The following NHSL1 variants were observed in gnomAD, a reference collection of about 807,000 sequenced individuals.
NHSL1 encodes NHS-like protein 1.
A neutral mutation model predicts 95.0 loss-of-function variants in NHSL1; 48 were observed. The observed-to-expected ratio is 0.51, with a 90% CI of 0.40 to 0.64. The LOEUF (loss-of-function observed/expected upper bound fraction) is 0.64, where lower values mean the gene tolerates loss of function less well. NHSL1 is among the 30% of genes least tolerant of loss of function. The pLI, the probability that NHSL1 is intolerant of heterozygous loss-of-function variation, is 0.00. For synonymous variants in NHSL1, 783 were observed against 833.9 expected, an observed-to-expected ratio of 0.94 and a Z score of 1.05; for missense variants, 1,971 against 2,077.7, an observed-to-expected ratio of 0.95 and a Z score of 1.00.
Position 138,458,483 on chromosome 6 carries a change from G to A in NHSL1, c.340-11290C>T, listed in dbSNP as rs975511596. On this transcript the variant is annotated intron_variant, in intron 3 of 7. Transcript: ENST00000343505. ...AAGGTAGGTGGATCACTTGAGGTCC[G>A]GGGGTTCGAGACCAGCCTGGCCAAA... Among the ~76,000 whole-genome samples, 5 of 151,924 alleles carry A rather than the reference G, an allele frequency of 3.3e-5. No homozygotes were observed. The East Asian group carries it at 5.8e-4, about 18-fold the overall frequency.
At chr6:138,508,282 A>C (rs1781060581) in intron 1 of NHSL1, among the ~76,000 whole-genome samples, 1 of 152,216 alleles carries the variant, frequency 6.6e-6, no homozygotes, top group South Asian at 2.1e-4. Context: ...AAGTCGCTCT[A>C]GTGCATGGCT....
At chr6:138,613,010 A>G (rs1784534334) in intron 1 of NHSL1, among the ~76,000 whole-genome samples, 1 of 152,160 alleles carries the variant, frequency 6.6e-6, no homozygotes, top group Admixed American at 6.5e-5. Context: ...TTGAGAGCTA[A>G]TGGAAGTAGA....
intron 4 of NHSL1, 29 bp from the exon 5 acceptor site, chr6:138,442,143 C>G (rs552316127): frequency 1.3e-6 from 2 of 1,514,208 alleles, no homozygotes; most frequent in South Asian, 2.6e-5. Context: ...ACAAGCAAAG[C>G]AATGTTATTT....
chr6:138,523,591 G>A (rs1368412303), intron 1 of NHSL1, among the ~76,000 whole-genome samples: 1 of 128,624 alleles, frequency 7.8e-6, no homozygotes, highest in African/African-American at 3.0e-5. Flanking sequence ...TTACAGGCAT[G>A]AGCCACCACA....
chr6:138,634,523 T>C (rs1033887857), intron 1 of NHSL1, among the ~76,000 whole-genome samples: 1 of 152,142 alleles, frequency 6.6e-6, no homozygotes, highest in African/African-American at 2.4e-5. Context: ...ATTTTAAACA[T>C]ATACGCACCC....
At chr6:138,589,403 G>A (rs369267894) in intron 1 of NHSL1, among the ~76,000 whole-genome samples, 2 of 152,278 alleles carry the variant, frequency 1.3e-5, no homozygotes, top group African/African-American at 2.4e-5. Context: ...TCACCTGGGG[G>A]CCTCACGAGC....
rs1344932081 is a variant in NHSL1, at chr6:138,692,488, G to C, written c.85C>G (p.Arg29Gly). ...GCCGGCCACTCACGGATTTTCACTC[G>C]GCGGTGGTCCAGGCGCGCAGCGGCG... is the stretch of plus-strand genomic sequence containing the variant. The change falls in exon 1 of 4, where the codon CGA (arginine) becomes GGA (glycine). Residue 29 changes from arginine (R) to glycine (G), a missense_variant. By Grantham distance (125) the Arg-to-Gly change is moderately radical. Coordinates refer to the NHSL1 transcript ENST00000491526. This position sits in a 1 kb window ranked among gnomAD's most constrained non-coding sequence, Gnocchi z 4.0. The C allele has an allele frequency of 2.0e-5, 4 of 203,820 alleles. No homozygotes were observed. Among genetic ancestry groups the C allele is most frequent in the Non-Finnish European group, 3.9e-5 (4 of 103,248 alleles). The allele number at this position is 203,820 out of a possible 1,614,324, so 12.6% of individuals were successfully genotyped here.
At chr6:138,500,363 ACAGAGTATAAGAAGG>A (rs1350440826), upstream of NHSL1, among the ~76,000 whole-genome samples, 1 of 152,242 alleles carries the variant, frequency 6.6e-6, no homozygotes, top group Non-Finnish European at 1.5e-5. Flanking sequence ...GAAATCAGAA[ACAGAGTATAAGAAGG>A]CACTGAAAAA....
chr6:138,556,971 A>C (rs1466036488), intron 1 of NHSL1, among the ~76,000 whole-genome samples: 1 of 152,196 alleles, frequency 6.6e-6, no homozygotes, highest in East Asian at 1.9e-4. Context: ...ATCAACAAGT[A>C]ATTAGAGAAA....
At chr6:138,655,780 A>G (rs1462975553) in intron 1 of NHSL1, among the ~76,000 whole-genome samples, 1 of 152,248 alleles carries the variant, frequency 6.6e-6, no homozygotes, top group Non-Finnish European at 1.5e-5. Flanking sequence ...CAACAAAATA[A>G]TAAAAGCATA....
chr6:138,638,671 A>T (rs1326997001), intron 1 of NHSL1, among the ~76,000 whole-genome samples: 1 of 152,190 alleles, frequency 6.6e-6, no homozygotes, highest in Non-Finnish European at 1.5e-5. Context: ...GACCTGAGAA[A>T]ATGAAACTTG....
rs1005797788 is a variant in NHSL1, at chr6:138,629,689, C to T, written c.96+62787G>A. Among the ~76,000 whole-genome samples the T allele has an allele frequency of 2.6e-5, 4 of 152,082 alleles. 1 individual carries two copies. The highest frequency in any genetic ancestry group is 4.4e-5 in the Non-Finnish European group (3 of 67,992). On this transcript the variant is annotated intron_variant, in intron 1 of 3. Coordinates refer to the NHSL1 transcript ENST00000491526. ...TGAGCCACCACGCCCGGCCTTACAT[C>T]AGTATTTCTTAAAGAGAAGCAAATG... is the stretch of plus-strand genomic sequence containing the variant.
At chr6:138,469,267 A>G (rs1778595490) in intron 3 of NHSL1, among the ~76,000 whole-genome samples, 1 of 152,204 alleles carries the variant, frequency 6.6e-6, no homozygotes, top group Non-Finnish European at 1.5e-5. Flanking sequence ...GATGCACACA[A>G]ATGAAACCCT....
rs1484171691 is a variant in NHSL1, at chr6:138,430,168, C to T, written c.3952+225G>A. ...GCCTGCTGCAGATCATCTCCATCCC[C>T]CTATTTTCTGCCATGCCTTTAGGTC... On this transcript the variant is annotated intron_variant, in intron 6 of 7. Coordinates refer to ENST00000343505, the MANE Select transcript of NHSL1 (RefSeq NM_001144060.2). This position sits in a 1 kb window ranked among gnomAD's most constrained non-coding sequence, Gnocchi z 4.7. Among the ~76,000 whole-genome samples, 1 of 152,184 alleles carries T rather than the reference C, an allele frequency of 6.6e-6. No homozygotes were observed. Among genetic ancestry groups the T allele is most frequent in the Admixed American group, 6.5e-5 (1 of 15,278 alleles).
intron 1 of NHSL1, among the ~76,000 whole-genome samples, chr6:138,655,278 C>A (rs565871675): frequency 7.2e-5 from 11 of 152,162 alleles, no homozygotes; most frequent in Non-Finnish European, 1.5e-4. Context: ...TGTTTTATGT[C>A]CTGTCACCCT....
At chr6:138,469,274 C>T (rs911746632) in intron 3 of NHSL1, among the ~76,000 whole-genome samples, 1 of 152,174 alleles carries the variant, frequency 6.6e-6, no homozygotes, top group Non-Finnish European at 1.5e-5. Flanking sequence ...ACAAATGAAA[C>T]CCTCACTTCA....
At chr6:138,528,045 C>A (rs929347150) in intron 1 of NHSL1, among the ~76,000 whole-genome samples, 1 of 152,128 alleles carries the variant, frequency 6.6e-6, no homozygotes, top group Non-Finnish European at 1.5e-5. Context: ...ATATTCCAAT[C>A]CATATTTTGT....
intron 1 of NHSL1, among the ~76,000 whole-genome samples, chr6:138,608,929 C>T (rs867413929): frequency 6.6e-5 from 10 of 152,296 alleles, no homozygotes; most frequent in African/African-American, 2.4e-4. Flanking sequence ...CCCATCTACT[C>T]TGTTGGTTAC....
At chr6:138,647,311 T>C (rs1032017155) in intron 1 of NHSL1, among the ~76,000 whole-genome samples, 1 of 152,226 alleles carries the variant, frequency 6.6e-6, no homozygotes, top group African/African-American at 2.4e-5. Flanking sequence ...CTGGGTTCCG[T>C]TCAAAATTTT....
Sources: allele counts gnomAD v4.1 joint callset (sites outside exome capture counted in the v4.1 genomes callset), GRCh38; gene constraint gnomAD v4.1.1; non-coding constraint Gnocchi (gnomAD v3.1); transcripts MANE v1.5; gene names NCBI Gene and HGNC (gene_info 2026-07-23, HGNC 2026-07-21).